The following GFM1 variants were observed in gnomAD, a reference collection of about 807,000 sequenced individuals.
The protein encoded by GFM1 is G elongation factor mitochondrial 1, also known as elongation factor G, mitochondrial.
Under a neutral mutation model 96.2 loss-of-function variants are expected in GFM1, and 62 were observed. The observed-to-expected ratio is 0.64, with a 90% CI of 0.53 to 0.80. GFM1 has a LOEUF of 0.80. Ranked by LOEUF, GFM1 falls within the 30% of genes least tolerant of loss-of-function variation. The pLI is 0.00. For missense variants in GFM1, 852 were observed against 916.6 expected (o/e 0.93, Z 0.91); for synonymous variants, 282 against 312.9 (o/e 0.90, Z 1.04).
At chr3:158,662,402 G>A (rs575249848) in intron 10 of GFM1, among the ~76,000 whole-genome samples, 1 of 152,132 alleles carries the variant, frequency 6.6e-6, no homozygotes, top group Non-Finnish European at 1.5e-5. Flanking sequence ...TTTATTTTGG[G>A]AAGGAGGAAC....
At chr3:158,647,398 ACAGTAACACTTCCTTTCTGTAC>A (rs1384674824) in intron 4 of GFM1, among the ~76,000 whole-genome samples, 9 of 152,242 alleles carry the variant, frequency 5.9e-5, no homozygotes, top group Non-Finnish European at 1.0e-4. Context: ...TTCTAGGACA[ACAGTAACACTTCCTTTCTGTAC>A]CAGATAGAAC....
chr3:158,672,708 C>G, intron 13 of GFM1: 1 of 444,930 alleles, frequency 2.2e-6, no homozygotes, highest in African/African-American at 2.0e-5. Context: ...CCCCGCCCCA[C>G]TACTGCCTGC....
In GFM1 at chr3:158,646,357, T is replaced by C. The variant is rs572044445; in HGVS notation, c.367+60T>C. 6 of 1,573,728 alleles carry C rather than the reference T, an allele frequency of 3.8e-6. No individual in the cohort carries two copies. The African/African-American group carries it at 6.7e-5, about 18-fold the overall frequency. On this transcript the variant is annotated intron_variant, in intron 3 of 17. Transcript: ENST00000486715. Reference sequence around the variant, plus strand: ...TGGCAAAAGCACATTTGGTTCTTTCTCTTACTGTGACCCAATTAGTTTTTG... The same window carrying C: ...TGGCAAAAGCACATTTGGTTCTTTCCCTTACTGTGACCCAATTAGTTTTTG...
intron 13 of GFM1, among the ~76,000 whole-genome samples, chr3:158,681,241 G>A (rs1409809123): frequency 6.6e-6 from 1 of 152,156 alleles, no homozygotes; most frequent in East Asian, 1.9e-4. Context: ...CTTCCATCTT[G>A]TGGTCTTGAG....
chr3:158,682,024 G>A lies in GFM1; in HGVS notation c.1631G>A (p.Gly544Asp), dbSNP rs866614002. 1 of 1,613,334 alleles carries A rather than the reference G, an allele frequency of 6.2e-7. No homozygotes were observed. The highest frequency in any genetic ancestry group is 8.5e-7 in the Non-Finnish European group (1 of 1,179,684). Residue 544 changes from glycine (G) to aspartate (D), a missense_variant, in exon 14 of 18, where the codon GGT becomes GAT. Physicochemically the swap from Gly to Asp is moderately conservative, Grantham distance 94. Coordinates refer to ENST00000486715, the MANE Select transcript of GFM1 (RefSeq NM_024996.7). ...PFDFTHKKQS[G>D]GAGQYGKVIG... ...GACTTTACACATAAAAAACAATCAG[G>A]TGGTGCAGGCCAGTATGGAAAAGTA...
At position 158,665,473 on chromosome 3, in the gene GFM1, A is replaced by C; in HGVS notation, c.1517A>C (p.Gln506Pro). 6.2e-7 allele frequency: 1 copy of C among 1,608,848 alleles called. No individual in the cohort carries two copies. Among genetic ancestry groups the C allele is most frequent in the Non-Finnish European group, 8.5e-7 (1 of 1,175,768 alleles). Residue 506 changes from glutamine to proline, a missense_variant and splice_region_variant, in exon 12 of 18, where the codon CAG becomes CCG. Physicochemically the swap from Gln to Pro is moderately conservative, Grantham distance 76. Transcript: ENST00000486715. ...MGELHLEIYA[Q>P]RLEREYGCPC... ...GAATTACACCTGGAAATCTATGCTC[A>C]GGTAATGAATAATAAGGAAGTTAAG...
In GFM1 at chr3:158,644,643, C is replaced by G. The variant is rs755113549; in HGVS notation, c.9C>G (p.Leu3=). 2 of 1,571,916 alleles carry G rather than the reference C, an allele frequency of 1.3e-6. No individual in the cohort carries two copies. Among genetic ancestry groups the G allele is most frequent in the South Asian group, 2.3e-5 (2 of 85,496 alleles). The change falls in exon 1 of 18, where the codon CTC becomes CTG. Residue 3 remains leucine, a synonymous_variant. Transcript: ENST00000486715. Reference sequence around the variant, plus strand: ...CGTGCTCTGCGCTTGCCATGAGACTCCTGGGAGCTGCAGCCGTCGCGGCTC... The same window carrying G: ...CGTGCTCTGCGCTTGCCATGAGACTGCTGGGAGCTGCAGCCGTCGCGGCTC... MR[L]LGAAAVAALG...
intron 13 of GFM1, among the ~76,000 whole-genome samples, chr3:158,674,462 C>T (rs547714305): frequency 6.6e-5 from 10 of 152,100 alleles, no homozygotes; most frequent in South Asian, 6.2e-4. Context: ...TTGTCAGATA[C>T]GAACTTACAC....
At chr3:158,653,561 T>C (rs1166295407) in intron 7 of GFM1, 94 bp downstream of exon 7, 8 of 949,352 alleles carry the variant, frequency 8.4e-6, no homozygotes, top group Non-Finnish European at 1.1e-5. Context: ...TAATTATGTC[T>C]GTGATTTTTT....
chr3:158,644,627 C>T lies in GFM1; in HGVS notation c.-8C>T. On this transcript the variant is annotated 5_prime_UTR_variant, in exon 1 of 18. Transcript: ENST00000486715. ...CCACGGGACTTTGACGCGTGCTCTGCGCTTGCCATGAGACTCCTGGGAGCT... is the reference window on the plus strand; with the variant it reads ...CCACGGGACTTTGACGCGTGCTCTGTGCTTGCCATGAGACTCCTGGGAGCT... 1 of 1,565,956 alleles carries T rather than the reference C, an allele frequency of 6.4e-7. No homozygotes were observed. The highest frequency in any genetic ancestry group is 8.7e-7 in the Non-Finnish European group (1 of 1,155,806).
chr3:158,669,635 C>T, intron 13 of GFM1: 1 of 1,598,382 alleles, frequency 6.3e-7, no homozygotes. Context: ...GCAAAATATC[C>T]TTATATACAG....
intron 13 of GFM1, among the ~76,000 whole-genome samples, chr3:158,677,950 G>T (rs80296352): frequency 2.0e-5 from 3 of 152,156 alleles, no homozygotes; most frequent in African/African-American, 7.2e-5. Context: ...TAATGCAGCT[G>T]GTGACTAAGT....
chr3:158,647,602 G>C (rs911617655), intron 4 of GFM1, among the ~76,000 whole-genome samples: 1 of 152,300 alleles, frequency 6.6e-6, no homozygotes, highest in Admixed American at 6.5e-5. Context: ...TAAAGTTTAT[G>C]GTAGTGGACA....
intron 12 of GFM1, 46 bp from the exon 13 acceptor site, chr3:158,666,258 G>A (rs942863109): frequency 2.1e-5 from 29 of 1,393,172 alleles, no homozygotes; most frequent in South Asian, 1.1e-4. Flanking sequence ...GTTTTCTTTC[G>A]GTTTATTTTT....
intron 11 of GFM1, among the ~76,000 whole-genome samples, chr3:158,664,815 C>T (rs941389268): frequency 1.3e-5 from 2 of 152,148 alleles, no homozygotes; most frequent in South Asian, 2.1e-4. Flanking sequence ...CTGCTTACCA[C>T]GCGGGATTAC....
intron 4 of GFM1, 59 bp downstream of exon 4, chr3:158,647,006 C>T: frequency 7.7e-7 from 1 of 1,297,664 alleles, no homozygotes; most frequent in Non-Finnish European, 1.1e-6. Context: ...AACCTTATAT[C>T]CAAAAGGGTG....
chr3:158,652,194 A>G lies in GFM1; in HGVS notation c.788A>G (p.Gln263Arg), dbSNP rs115984741. The G allele has an allele frequency of 2.8e-4, 445 of 1,614,128 alleles. 2 individuals carry two copies. The African/African-American group carries it at 5.2e-3, about 19-fold the overall frequency. The change falls in exon 6 of 18, where the codon CAG becomes CGG. Residue 263 changes from glutamine to arginine, a missense_variant. Gln to Arg is a conservative substitution (Grantham distance 43). Coordinates refer to ENST00000486715, the MANE Select transcript of GFM1 (RefSeq NM_024996.7). ...LIECVANSDE[Q>R]LGEMFLEEKI... Reference sequence around the variant, plus strand: ...GAATGTGTTGCCAATTCAGATGAACAGCTTGGTGAGATGTTTCTGGAAGAA... The same window carrying G: ...GAATGTGTTGCCAATTCAGATGAACGGCTTGGTGAGATGTTTCTGGAAGAA...
intron 6 of GFM1, among the ~76,000 whole-genome samples, chr3:158,652,790 G>A (rs1047660492): frequency 2.0e-5 from 3 of 152,170 alleles, no homozygotes; most frequent in African/African-American, 4.8e-5. Flanking sequence ...TAGAGCATAC[G>A]TTCATATGGT....
intron 13 of GFM1, among the ~76,000 whole-genome samples, chr3:158,672,008 C>G (rs1266757170): frequency 6.6e-6 from 1 of 152,134 alleles, no homozygotes; most frequent in Non-Finnish European, 1.5e-5. Flanking sequence ...AGATGAGAAA[C>G]GTGGCAGCCT....
Sources: gnomAD v4.1 joint callset for allele counts (sites outside exome capture counted in the v4.1 genomes callset) on GRCh38, gnomAD v4.1.1 for gene constraint, MANE v1.5 for transcripts, NCBI Gene and HGNC (gene_info 2026-07-23, HGNC 2026-07-21) for gene names.